Variants in MTHFD1L observed in about 807,000 individuals in gnomAD.
MTHFD1L encodes the protein methylenetetrahydrofolate dehydrogenase (NADP+ dependent) 1 like.
MTHFD1L carries 81 observed loss-of-function variants against 119.5 expected under a neutral mutation model. That is an observed-to-expected ratio of 0.68 (90% CI 0.57 to 0.82). MTHFD1L has a LOEUF of 0.82. Among genes scored for constraint, MTHFD1L ranks in the 40% least tolerant of loss-of-function variants. The pLI is 0.00. For synonymous variants in MTHFD1L, 430 were observed against 475.2 expected (o/e 0.90, Z 1.24); for missense variants, 1,125 against 1,253.4 (o/e 0.90, Z 1.55).
chr6:150,902,455 G>C (rs1359230813), intron 7 of MTHFD1L, among the ~76,000 whole-genome samples: 4 of 152,098 alleles, frequency 2.6e-5, no homozygotes, highest in African/African-American at 9.7e-5. Context: ...CTTTGGCCAG[G>C]GTCTCTCCCA....
chr6:150,968,615 T>A (rs1185304527), intron 19 of MTHFD1L, among the ~76,000 whole-genome samples: 1 of 151,792 alleles, frequency 6.6e-6, no homozygotes, highest in Non-Finnish European at 1.5e-5. Flanking sequence ...GTTCAAGCGA[T>A]TCTCTTGCCT....
At chr6:151,061,334 C>G (rs77776258) in intron 26 of MTHFD1L, among the ~76,000 whole-genome samples, 1 of 152,126 alleles carries the variant, frequency 6.6e-6, no homozygotes. Context: ...TATGACGACA[C>G]CTGAAATATT....
At chr6:151,100,343 T>C (rs1288379494) in intron 27 of MTHFD1L, among the ~76,000 whole-genome samples, 3 of 152,202 alleles carry the variant, frequency 2.0e-5, no homozygotes, top group African/African-American at 4.8e-5. Flanking sequence ...GTGCTTATAA[T>C]ACTCCTGTTT....
chr6:151,044,739 C>T (rs767543317), intron 26 of MTHFD1L, among the ~76,000 whole-genome samples: 8 of 152,112 alleles, frequency 5.3e-5, no homozygotes, highest in Admixed American at 3.3e-4. Context: ...CCCTGTGACC[C>T]GGCCCTGCCA....
chr6:151,016,768 C>CTTTTT lies in MTHFD1L; in HGVS notation c.2586+1093_2586+1097dup, dbSNP rs757274955. On this transcript the variant is annotated intron_variant, in intron 24 of 27. Transcript: ENST00000367321. ...ATATAACAAAATTTACTATCTTAGC[C>CTTTTT]TTTTTTTTTTTTTTTTTTTTTTGAG... 1.9e-3 allele frequency: 404 copies of CTTTTT among 217,702 alleles called. 13 individuals carry two copies. Among genetic ancestry groups the CTTTTT allele is most frequent in the African/African-American group, 6.0e-3 (149 of 24,638 alleles). The allele number at this position is 217,702 out of a possible 1,614,324, so 13.5% of individuals were successfully genotyped here. A position where few individuals can be genotyped will look rare whatever the true frequency, so the allele number is the denominator to read the frequency against.
chr6:151,055,530 T>TG lies in MTHFD1L; in HGVS notation c.2847+18413_2847+18414insG, dbSNP rs1156855512. 2.9e-3 allele frequency among the ~76,000 whole-genome samples: 435 copies of TG among 150,480 alleles called. 2 individuals are homozygous for TG. Among genetic ancestry groups the TG allele is most frequent in the African/African-American group, 9.9e-3 (408 of 41,178 alleles). ...TATGTTTGTGCTGAATCTTTTTTTT[T>TG]TTTTTTTGTTTTTGGAGATGGAGTT... On this transcript the variant is annotated intron_variant, in intron 26 of 27. Coordinates refer to ENST00000367321, the MANE Select transcript of MTHFD1L (RefSeq NM_015440.5).
intron 27 of MTHFD1L, among the ~76,000 whole-genome samples, chr6:151,097,144 G>A (rs1794952601): frequency 6.6e-6 from 1 of 152,124 alleles, no homozygotes; most frequent in South Asian, 2.1e-4. Context: ...TCATTCAAAT[G>A]AACACACAAT....
At chr6:150,939,683 CTTTTTTTTT>C (rs751835547) in intron 13 of MTHFD1L, among the ~76,000 whole-genome samples, 1 of 108,456 alleles carries the variant, frequency 9.2e-6, no homozygotes, top group Non-Finnish European at 1.8e-5. Flanking sequence ...CTTGCAGACT[CTTTTTTTTT>C]TTTTTTTTTT....
chr6:151,023,252 G>A (rs1288783945), intron 24 of MTHFD1L, among the ~76,000 whole-genome samples: 1 of 152,036 alleles, frequency 6.6e-6, no homozygotes, highest in Non-Finnish European at 1.5e-5. Flanking sequence ...TCACCATGTT[G>A]GCTGGGCTGG....
intron 20 of MTHFD1L, among the ~76,000 whole-genome samples, chr6:150,973,548 G>A (rs1344221148): frequency 6.6e-6 from 1 of 152,218 alleles, no homozygotes; most frequent in East Asian, 1.9e-4. Flanking sequence ...CATCAGCTCT[G>A]CAAATAAAGT....
intron 15 of MTHFD1L, among the ~76,000 whole-genome samples, chr6:150,948,624 C>G (rs538112401): frequency 6.8e-5 from 10 of 146,288 alleles, no homozygotes; most frequent in African/African-American, 2.4e-4. Context: ...GCACCTGGCC[C>G]AGTTTAGTGT....
At chr6:151,003,705 G>T (rs1031993781) in intron 20 of MTHFD1L, among the ~76,000 whole-genome samples, 6 of 152,194 alleles carry the variant, frequency 3.9e-5, no homozygotes, top group African/African-American at 1.4e-4. Flanking sequence ...AGGCACAATC[G>T]TAGGGGTTCA....
chr6:150,977,708 G>A (rs1004054208), intron 20 of MTHFD1L, among the ~76,000 whole-genome samples: 1 of 152,066 alleles, frequency 6.6e-6, no homozygotes, highest in Admixed American at 6.6e-5. Context: ...TCTCTCAGTT[G>A]GTTTTGATTC....
chr6:151,055,584 G>A lies in MTHFD1L; in HGVS notation c.2847+18467G>A, dbSNP rs192521821. ...CTCTTGTTGCCCAGGCTGGAGTGCA[G>A]TGGCGCGATCTCGGCTCACCGCAAC... is the stretch of plus-strand genomic sequence containing the variant. On this transcript the variant is annotated intron_variant, in intron 26 of 27. Transcript: ENST00000367321. Among the ~76,000 whole-genome samples, 598 of 150,504 alleles carry A rather than the reference G, an allele frequency of 4.0e-3. 3 individuals carry two copies. The highest frequency in any genetic ancestry group is 0.013 in the African/African-American group (549 of 40,986).
intron 26 of MTHFD1L, among the ~76,000 whole-genome samples, chr6:151,040,766 A>G (rs536954616): frequency 6.6e-6 from 1 of 152,334 alleles, no homozygotes; most frequent in Non-Finnish European, 1.5e-5. Flanking sequence ...TGGAGTCACT[A>G]AACAAATATA....
In MTHFD1L at chr6:151,016,260, A is replaced by G. The variant is rs563622733; in HGVS notation, c.2586+567A>G. Among the ~76,000 whole-genome samples, 5 of 152,278 alleles carry G rather than the reference A, an allele frequency of 3.3e-5. No individual in the cohort carries two copies. In the South Asian group the frequency reaches 1.0e-3, roughly 32 times the overall value. On this transcript the variant is annotated intron_variant, in intron 24 of 27. Coordinates refer to ENST00000367321, the MANE Select transcript of MTHFD1L (RefSeq NM_015440.5). ...ACAGGATTTGACAGCTGACGCTTTC[A>G]GGAGTTGCACAGGAACAAGAGCAAT...
intron 7 of MTHFD1L, among the ~76,000 whole-genome samples, chr6:150,905,309 G>A (rs985322308): frequency 1.3e-5 from 2 of 152,034 alleles, no homozygotes; most frequent in Non-Finnish European, 2.9e-5. Context: ...TGGGATTACA[G>A]GTGTGAGCCA....
At position 150,972,064 on chromosome 6, in the gene MTHFD1L, T is replaced by C. The variant is rs1798063431; in HGVS notation, c.2125+6T>C. 1 of 1,606,924 alleles carries C rather than the reference T, an allele frequency of 6.2e-7. No homozygotes were observed. The highest frequency in any genetic ancestry group is 1.3e-5 in the African/African-American group (1 of 74,756). The stretch of plus-strand genomic sequence containing the variant: ...TGGTGAAGAAGGATTTGTAGGTAAG[T>C]TATTTCTTTTAAATTTAGTTGTTGT... On this transcript the variant is annotated splice_donor_region_variant and intron_variant, in intron 20 of 27. Coordinates refer to ENST00000367321, the MANE Select transcript of MTHFD1L (RefSeq NM_015440.5).
chr6:150,926,032 C>T lies in MTHFD1L; in HGVS notation c.1083-90C>T, dbSNP rs564986448. 6.1e-5 allele frequency: 68 copies of T among 1,111,328 alleles called. No homozygotes were observed. The East Asian group carries it at 6.2e-4, about 10-fold the overall frequency. The allele number at this position is 1,111,328 out of a possible 1,614,324, so 68.8% of individuals were successfully genotyped here. On this transcript the variant is annotated intron_variant, in intron 10 of 27. Coordinates refer to ENST00000367321, the MANE Select transcript of MTHFD1L (RefSeq NM_015440.5). The surrounding 1 kb of genome is among the most constrained non-coding windows in gnomAD (Gnocchi z 4.3). ...CCCAAAGTAATTGCATTGATTTCATCGTTGGCGTGATGTGTGGCTGTTTTC... is the reference window on the plus strand; with the variant it reads ...CCCAAAGTAATTGCATTGATTTCATTGTTGGCGTGATGTGTGGCTGTTTTC...
Sources: allele counts gnomAD v4.1 joint callset (sites outside exome capture counted in the v4.1 genomes callset), GRCh38; gene constraint gnomAD v4.1.1; non-coding constraint Gnocchi (gnomAD v3.1); transcripts MANE v1.5; gene names NCBI Gene and HGNC (gene_info 2026-07-23, HGNC 2026-07-21).